GLT8D2: variants seen among roughly 807,000 people sequenced by gnomAD.
GLT8D2 encodes the protein glycosyltransferase 8 domain-containing protein 2.
GLT8D2 carries 45 observed loss-of-function variants against 44.5 expected under a neutral mutation model. The observed-to-expected ratio is 1.01, with a 90% confidence interval of 0.80 to 1.30. GLT8D2 has a LOEUF of 1.30. Among genes scored for constraint, GLT8D2 ranks in the 50% most tolerant of loss-of-function variants. The pLI is 0.00. For synonymous variants in GLT8D2, 156 were observed against 157.2 expected, an observed-to-expected ratio of 0.99 and a Z score of 0.06; for missense variants, 400 against 430.4, an observed-to-expected ratio of 0.93 and a Z score of 0.62.
upstream of GLT8D2, chr12:104,050,417 C>T (rs1022046997): frequency 8.5e-5 from 13 of 152,228 alleles, 1 homozygote; most frequent in Admixed American, 4.6e-4. Context: ...TTTTGAGAAT[C>T]TTCATGGCCA....
upstream of GLT8D2, among the ~76,000 whole-genome samples, chr12:104,054,509 T>A (rs147587206): frequency 4.8e-4 from 73 of 151,858 alleles, 3 homozygotes; most frequent in East Asian, 0.014. Context: ...AAATCAGTAT[T>A]TCAAAGAGAT....
intron 1 of GLT8D2, among the ~76,000 whole-genome samples, chr12:104,028,539 C>T (rs2723868): frequency 0.18 from 26,818 of 152,120 alleles, 2,630 homozygotes; most frequent in Middle Eastern, 0.24. Flanking sequence ...GTCAGACCAC[C>T]TGGGTTCAAA....
At chr12:104,032,745 C>A (rs998278702) in intron 1 of GLT8D2, among the ~76,000 whole-genome samples, 45 of 152,118 alleles carry the variant, frequency 3.0e-4, no homozygotes, top group African/African-American at 1.0e-3. Flanking sequence ...TTATGGAAAA[C>A]AATATGGAGG....
At chr12:104,048,387 G>A (rs564720389) in intron 1 of GLT8D2, among the ~76,000 whole-genome samples, 1 of 152,274 alleles carries the variant, frequency 6.6e-6, no homozygotes, top group African/African-American at 2.4e-5. Flanking sequence ...TATGCCTTGC[G>A]ATCTCTAAGA....
intron 1 of GLT8D2, among the ~76,000 whole-genome samples, chr12:104,034,200 G>A (rs979951492): frequency 2.0e-5 from 3 of 152,158 alleles, no homozygotes; most frequent in Admixed American, 2.0e-4. Flanking sequence ...GAACAGCTCT[G>A]GTCTGCAGCT....
chr12:104,020,319 G>C (rs1330182032), intron 2 of GLT8D2, among the ~76,000 whole-genome samples: 1 of 152,064 alleles, frequency 6.6e-6, no homozygotes, highest in East Asian at 1.9e-4. Context: ...AGATCTCCCT[G>C]ATCTAAAATA....
At chr12:104,019,170 C>G (rs1177933028) in intron 3 of GLT8D2, among the ~76,000 whole-genome samples, 2 of 147,236 alleles carry the variant, frequency 1.4e-5, no homozygotes, top group Non-Finnish European at 3.0e-5. Context: ...CTCTGTCTCC[C>G]AGGCTGGCAT....
intron 4 of GLT8D2, among the ~76,000 whole-genome samples, chr12:104,010,119 C>G (rs752766040): frequency 3.9e-5 from 6 of 152,172 alleles, no homozygotes; most frequent in Admixed American, 3.9e-4. Flanking sequence ...GTGAACTGAT[C>G]TGCCAAAAAA....
intron 10 of GLT8D2, among the ~76,000 whole-genome samples, chr12:103,989,891 A>G (rs1872504839): frequency 6.6e-6 from 1 of 151,962 alleles, no homozygotes; most frequent in South Asian, 2.1e-4. Flanking sequence ...GCCTTTTAAA[A>G]TTACTGTCTT....
intron 5 of GLT8D2, among the ~76,000 whole-genome samples, chr12:104,001,552 T>C (rs1874221124): frequency 1.3e-5 from 2 of 152,240 alleles, no homozygotes; most frequent in Non-Finnish European, 2.9e-5. Context: ...AATGTTGTTC[T>C]GTTTAATTTT....
chr12:104,054,056 C>A (rs1881960554), upstream of GLT8D2, among the ~76,000 whole-genome samples: 1 of 151,844 alleles, frequency 6.6e-6, no homozygotes, highest in South Asian at 2.1e-4. Context: ...GTAATGATTA[C>A]CAAAATCAAA....
At chr12:104,035,891 AG>A (rs1207933133) in intron 1 of GLT8D2, among the ~76,000 whole-genome samples, 2 of 152,214 alleles carry the variant, frequency 1.3e-5, no homozygotes, top group Non-Finnish European at 2.9e-5. Flanking sequence ...GTTGAAATGA[AG>A]GAAAAAATGT....
intron 1 of GLT8D2, chr12:104,029,773 C>T (rs1013266934): frequency 9.9e-5 from 15 of 152,184 alleles, no homozygotes; most frequent in Admixed American, 9.2e-4. Flanking sequence ...ATAACTCCAT[C>T]TCTCTCCGTC....
intron 1 of GLT8D2, among the ~76,000 whole-genome samples, chr12:104,036,231 G>C (rs1281915370): frequency 6.6e-6 from 1 of 152,154 alleles, no homozygotes; most frequent in African/African-American, 2.4e-5. Context: ...GACCATCGAT[G>C]CTAGGAAAAC....
At chr12:103,991,520 G>GTC (rs61100523) in intron 10 of GLT8D2, among the ~76,000 whole-genome samples, 26,174 of 151,944 alleles carry the variant, frequency 0.17, 2,760 homozygotes, top group East Asian at 0.45. Context: ...GTAATTCTGA[G>GTC]TCTGTCTCAA....
chr12:104,017,588 G>A (rs557848011), intron 3 of GLT8D2, among the ~76,000 whole-genome samples: 1 of 152,326 alleles, frequency 6.6e-6, no homozygotes, highest in East Asian at 1.9e-4. Flanking sequence ...CTCCCAAAGT[G>A]CTGGAATTAC....
At chr12:104,000,452 A>G (rs374763093) in intron 5 of GLT8D2, among the ~76,000 whole-genome samples, 12 of 152,230 alleles carry the variant, frequency 7.9e-5, no homozygotes, top group Admixed American at 7.2e-4. Context: ...GCTGGATGTT[A>G]CATGAGTGTG....
At chr12:104,035,248 A>G (rs1879799237) in intron 1 of GLT8D2, among the ~76,000 whole-genome samples, 1 of 152,230 alleles carries the variant, frequency 6.6e-6, no homozygotes, top group Non-Finnish European at 1.5e-5. Flanking sequence ...TAAAAACCAG[A>G]GCGCCTCTTC....
intron 1 of GLT8D2, among the ~76,000 whole-genome samples, chr12:104,062,515 A>G (rs1882751188): frequency 6.6e-6 from 1 of 152,202 alleles, no homozygotes; most frequent in South Asian, 2.1e-4. Flanking sequence ...ATAAGAGGAA[A>G]AAAGAGTTTT....
Sources: gnomAD v4.1 joint callset for allele counts (sites outside exome capture counted in the v4.1 genomes callset) on GRCh38, gnomAD v4.1.1 for gene constraint, MANE v1.5 for transcripts, NCBI Gene and HGNC (gene_info 2026-07-23, HGNC 2026-07-21) for gene names.